Variants in MTOR observed in about 807,000 individuals in gnomAD.
MTOR encodes mechanistic target of rapamycin kinase.
Under a neutral mutation model 319.8 loss-of-function variants are expected in MTOR, and 70 were observed. The ratio of observed to expected loss-of-function variants is 0.22; its 90% CI spans 0.18 to 0.27. The LOEUF (loss-of-function observed/expected upper bound fraction) is 0.27, where lower values mean the gene tolerates loss of function less well. Ranked by LOEUF, MTOR falls within the 10% of genes least tolerant of loss-of-function variation. MTOR has a pLI of 1.00. For synonymous variants in MTOR, 1,183 were observed against 1,211.4 expected (o/e 0.98, Z 0.49); for missense variants, 1,890 against 3,274.4 (o/e 0.58, Z 10.32).
intron 49 of MTOR, among the ~76,000 whole-genome samples, chr1:11,119,481 GA>G (rs1294135171): frequency 6.8e-6 from 1 of 147,906 alleles, no homozygotes; most frequent in African/African-American, 2.5e-5. Context: ...TGAGGCAGAA[GA>G]ATGGTGTGAA....
At chr1:11,236,949 A>G (rs569544313) in intron 13 of MTOR, among the ~76,000 whole-genome samples, 103 of 152,372 alleles carry the variant, frequency 6.8e-4, no homozygotes, top group African/African-American at 2.4e-3. Context: ...ACAACTTCCT[A>G]ATTTGTTGAC....
chr1:11,217,211 G>A (rs964902974), intron 19 of MTOR, among the ~76,000 whole-genome samples: 16 of 152,134 alleles, frequency 1.1e-4, no homozygotes, highest in Non-Finnish European at 1.9e-4. Context: ...TACCTTTTAG[G>A]TGTAGGAAGA....
In MTOR at chr1:11,247,873, G is replaced by A. The variant is rs1333559322; in HGVS notation, c.1062C>T (p.Ser354=). 6.2e-7 allele frequency: 1 copy of A among 1,614,154 alleles called. No individual in the cohort carries two copies. Among genetic ancestry groups the A allele is most frequent in the South Asian group, 1.1e-5 (1 of 91,072 alleles). The stretch of plus-strand genomic sequence containing the variant: ...TGCAACACCGGCTCTCCACCAGGGT[G>A]GACTTAGCTGGACTGGGGGAGGTCC... ...GFGTSPSPAK[S]TLVESRCCRD... The change falls in exon 7 of 58, where the codon TCC becomes TCT. Residue 354 remains serine, a synonymous_variant. Coordinates refer to ENST00000361445, the MANE Select transcript of MTOR (RefSeq NM_004958.4).
chr1:11,234,063 G>C, intron 14 of MTOR, 80 bp downstream of exon 14: 1 of 1,595,238 alleles, frequency 6.3e-7, no homozygotes, highest in South Asian at 1.1e-5. Flanking sequence ...GTGTACTAGT[G>C]AACACTGAAA....
At chr1:11,228,620 T>C (rs1646923100) in intron 19 of MTOR, 48 bp downstream of exon 19, 1 of 1,597,318 alleles carries the variant, frequency 6.3e-7, no homozygotes, top group Non-Finnish European at 8.5e-7. Context: ...GATCTGTGCA[T>C]GTGTGGTGCA....
chr1:11,198,507 C>T (rs182121785), intron 28 of MTOR, among the ~76,000 whole-genome samples: 17 of 152,252 alleles, frequency 1.1e-4, no homozygotes, highest in Admixed American at 5.2e-4. Context: ...GGTGAAGGAA[C>T]TTACTAGCCA....
chr1:11,241,798 T>C, intron 9 of MTOR, 117 bp from the exon 10 acceptor site: 1 of 1,166,004 alleles, frequency 8.6e-7, no homozygotes, highest in Non-Finnish European at 1.2e-6. Flanking sequence ...CACAGATGGG[T>C]ATGCAAATTG....
Position 11,156,197 on chromosome 1 carries a change from C to T in MTOR, c.4469+955G>A, listed in dbSNP as rs564340610. Among the ~76,000 whole-genome samples, 42 of 152,216 alleles carry T rather than the reference C, an allele frequency of 2.8e-4. 2 individuals are homozygous for T. In the South Asian group the frequency reaches 8.3e-3, roughly 30 times the overall value. ...TGGAGACGAGGTTTCGCCATGTTGG[C>T]CAGGCTGGTCTCAAACTCCTGACTT... On this transcript the variant is annotated intron_variant, in intron 30 of 57. Coordinates refer to ENST00000361445, the MANE Select transcript of MTOR (RefSeq NM_004958.4).
intron 20 of MTOR, among the ~76,000 whole-genome samples, chr1:11,215,610 T>C (rs945631723): frequency 1.3e-5 from 2 of 152,186 alleles, no homozygotes; most frequent in African/African-American, 4.8e-5. Flanking sequence ...CCATGGGGTG[T>C]CTTCTGGCAC....
intron 6 of MTOR, 127 bp downstream of exon 6, chr1:11,253,707 ATTATC>A: frequency 1.9e-6 from 2 of 1,043,968 alleles, no homozygotes; most frequent in Non-Finnish European, 2.8e-6. Context: ...GCTATCTGAA[ATTATC>A]TTATTTACTT....
intron 28 of MTOR, chr1:11,190,019 T>C: frequency 5.2e-6 from 8 of 1,532,126 alleles, no homozygotes; most frequent in Non-Finnish European, 6.1e-6. Context: ...TGCTTCTACA[T>C]ATCCTGGTCA....
intron 28 of MTOR, chr1:11,192,420 C>T (rs762478183): frequency 6.9e-7 from 1 of 1,456,810 alleles, no homozygotes; most frequent in Non-Finnish European, 9.6e-7. Context: ...TCCTTCACCC[C>T]CTCAAGGGGA....
chr1:11,119,447 T>C (rs1246763715), intron 49 of MTOR, among the ~76,000 whole-genome samples: 1 of 151,342 alleles, frequency 6.6e-6, no homozygotes, highest in Non-Finnish European at 1.5e-5. Flanking sequence ...GGCGGGTGCC[T>C]GTAGTCCCAA....
intron 29 of MTOR, among the ~76,000 whole-genome samples, chr1:11,163,771 T>A (rs1644552837): frequency 6.6e-6 from 1 of 152,170 alleles, no homozygotes; most frequent in Non-Finnish European, 1.5e-5. Context: ...ATCTATGGGA[T>A]ACATTTAAAG....
intron 19 of MTOR, among the ~76,000 whole-genome samples, chr1:11,225,422 C>CTTTTTTT (rs201304113): frequency 7.3e-6 from 1 of 137,080 alleles, no homozygotes; most frequent in African/African-American, 2.7e-5. Context: ...AAAATTGGTT[C>CTTTTTTT]TTTTTTTTTT....
intron 38 of MTOR, 129 bp downstream of exon 38, chr1:11,132,951 C>T (rs772366581): frequency 2.8e-5 from 21 of 745,648 alleles, no homozygotes; most frequent in Non-Finnish European, 3.9e-5. Context: ...TAGATAGGCT[C>T]CAGGGACTCA....
intron 26 of MTOR, among the ~76,000 whole-genome samples, chr1:11,201,014 CAAA>C (rs55986489): frequency 2.7e-5 from 3 of 109,390 alleles, no homozygotes; most frequent in East Asian, 5.3e-4. Flanking sequence ...GACTCTGTTT[CAAA>C]AAAAAAAAAA....
chr1:11,174,119 C>T (rs761325090), intron 28 of MTOR, among the ~76,000 whole-genome samples: 1 of 152,086 alleles, frequency 6.6e-6, no homozygotes, highest in Non-Finnish European at 1.5e-5. Context: ...AATGTTACCA[C>T]GGAAAAGTAT....
intron 46 of MTOR, among the ~76,000 whole-genome samples, chr1:11,126,303 T>A (rs955400233): frequency 2.0e-5 from 3 of 151,982 alleles, no homozygotes; most frequent in Non-Finnish European, 4.4e-5. Flanking sequence ...CCTTCCCTGC[T>A]TGCACCCAGC....
Sources: gnomAD v4.1 joint callset for allele counts (sites outside exome capture counted in the v4.1 genomes callset) on GRCh38, gnomAD v4.1.1 for gene constraint, MANE v1.5 for transcripts, NCBI Gene and HGNC (gene_info 2026-07-23, HGNC 2026-07-21) for gene names.